The following ABCD3 variants were observed in gnomAD, a reference collection of about 807,000 sequenced individuals.
The protein encoded by ABCD3 is ATP binding cassette subfamily D member 3.
In ABCD3, 41 loss-of-function variants were observed where a neutral mutation model predicts 105.5. The ratio of observed to expected loss-of-function variants is 0.39; its 90% CI spans 0.30 to 0.50. The LOEUF is 0.50. Ranked by LOEUF, ABCD3 falls within the 20% of genes least tolerant of loss-of-function variation. The pLI, the probability that ABCD3 is intolerant of heterozygous loss-of-function variation, is 0.84. For missense variants in ABCD3, 622 were observed against 806.3 expected (o/e 0.77, Z 2.77); for synonymous variants, 258 against 269.0 (o/e 0.96, Z 0.40).
chr1:94,498,961 T>C lies in ABCD3; in HGVS notation c.1547T>C (p.Leu516Pro), dbSNP rs756882410. The change falls in exon 19 of 23, where the codon CTT becomes CCT. Residue 516 changes from leucine to proline, a missense_variant. Physicochemically the swap from Leu to Pro is moderately conservative, Grantham distance 98. Around this residue, in one of 4 missense-constraint regions of ABCD3, gnomAD observed 285 missense variants for 352.5 expected, o/e 0.81. Coordinates refer to ENST00000370214, the MANE Select transcript of ABCD3 (RefSeq NM_002858.4). ...TACTGTCAGAGACCTTACATGACCC[T>C]TGGAACACTTCGAGATCAAGTGATA... The part of the protein sequence containing the change: ...FYVPQRPYMT[L>P]GTLRDQVIYP... 6.2e-7 allele frequency: 1 copy of C among 1,614,004 alleles called. No homozygotes were observed. Among genetic ancestry groups the C allele is most frequent in the Non-Finnish European group, 8.5e-7 (1 of 1,179,940 alleles).
chr1:94,453,207 G>T (rs377334522), intron 1 of ABCD3, among the ~76,000 whole-genome samples: 2 of 152,060 alleles, frequency 1.3e-5, no homozygotes, highest in Admixed American at 1.3e-4. Flanking sequence ...CGTTTGGTTT[G>T]GTTCTTTTTT....
At chr1:94,466,386 GCTT>G (rs1648136636) in intron 3 of ABCD3, among the ~76,000 whole-genome samples, 1 of 151,806 alleles carries the variant, frequency 6.6e-6, no homozygotes, top group Admixed American at 6.6e-5. Context: ...TGGTCTTTTT[GCTT>G]CTTTTCCTTT....
intron 1 of ABCD3, among the ~76,000 whole-genome samples, chr1:94,433,030 G>C (rs1570739235): frequency 6.6e-6 from 1 of 151,076 alleles, no homozygotes; most frequent in South Asian, 2.1e-4. Context: ...GCTAATTTTT[G>C]TATTTTCAGT....
At chr1:94,402,639 C>T in the ABCD3 span, among the ~76,000 whole-genome samples, 3 of 152,292 alleles carry the variant, frequency 2.0e-5, no homozygotes, top group Admixed American at 6.5e-5. Context: ...TCCTCAACAA[C>T]GTCCTCTACC....
At chr1:94,472,472 T>A (rs548456336) in intron 4 of ABCD3, among the ~76,000 whole-genome samples, 1 of 151,424 alleles carries the variant, frequency 6.6e-6, no homozygotes, top group South Asian at 2.1e-4. Flanking sequence ...TTTTTTTAAC[T>A]GTTTTACTTT....
intron 3 of ABCD3, among the ~76,000 whole-genome samples, chr1:94,465,082 A>G (rs1648074515): frequency 6.6e-6 from 1 of 152,114 alleles, no homozygotes; most frequent in Admixed American, 6.6e-5. Flanking sequence ...AGTGTCTCAC[A>G]TGGTGAGAGA....
At chr1:94,505,881 G>T (rs1001390327) in intron 20 of ABCD3, among the ~76,000 whole-genome samples, 1 of 152,088 alleles carries the variant, frequency 6.6e-6, no homozygotes, top group African/African-American at 2.4e-5. Context: ...TTGTCAGGGG[G>T]CAGATGACAA....
At chr1:94,386,023 GTTTCTTTCTTTCTTTC>G in the ABCD3 span, among the ~76,000 whole-genome samples, 956 of 151,512 alleles carry the variant, frequency 6.3e-3, 6 homozygotes, top group African/African-American at 0.017. Flanking sequence ...TTTAGAATCT[GTTTCTTTCTTTCTTTC>G]TTTCTTTCTT....
intron 16 of ABCD3, among the ~76,000 whole-genome samples, chr1:94,493,309 A>C (rs1458554336): frequency 6.6e-6 from 1 of 152,032 alleles, no homozygotes; most frequent in Non-Finnish European, 1.5e-5. Flanking sequence ...TCTCAAAAGA[A>C]GACATTTATG....
At chr1:94,444,916 G>T (rs1310776698) in intron 1 of ABCD3, among the ~76,000 whole-genome samples, 1 of 152,138 alleles carries the variant, frequency 6.6e-6, no homozygotes, top group Admixed American at 6.5e-5. Flanking sequence ...CAGGTTTACC[G>T]GAATGAGGGC....
chr1:94,515,405 T>C (rs1650871585), intron 22 of ABCD3, among the ~76,000 whole-genome samples: 1 of 152,010 alleles, frequency 6.6e-6, no homozygotes, highest in South Asian at 2.1e-4. Context: ...ACAGTTTTTC[T>C]CCAGTTTTAT....
intron 21 of ABCD3, chr1:94,514,898 G>A (rs919110352): frequency 1.9e-5 from 9 of 472,276 alleles, no homozygotes; most frequent in Admixed American, 3.5e-5. Flanking sequence ...CATGATAGGA[G>A]ATATGTTTTT....
At chr1:94,424,413 G>A (rs993308659) in intron 1 of ABCD3, among the ~76,000 whole-genome samples, 3 of 151,748 alleles carry the variant, frequency 2.0e-5, no homozygotes, top group Non-Finnish European at 2.9e-5. Context: ...ATTGCCATTC[G>A]ATTTATTTTT....
intron 13 of ABCD3, among the ~76,000 whole-genome samples, chr1:94,488,543 A>G (rs1402558532): frequency 6.6e-6 from 1 of 152,118 alleles, no homozygotes; most frequent in Admixed American, 6.6e-5. Flanking sequence ...AGGGCATGGT[A>G]TGGTGTAAAA....
chr1:94,484,909 T>C (rs1384540400), intron 10 of ABCD3, among the ~76,000 whole-genome samples: 2 of 152,212 alleles, frequency 1.3e-5, no homozygotes, highest in African/African-American at 4.8e-5. Context: ...GATTATTATG[T>C]AAAGCAAGAG....
In ABCD3 at chr1:94,500,439, T is replaced by C. The variant is rs964919706; in HGVS notation, c.1740+825T>C. Among the ~76,000 whole-genome samples, 9 of 152,158 alleles carry C rather than the reference T, an allele frequency of 5.9e-5. No individual in the cohort carries two copies. In the South Asian group the frequency reaches 1.7e-3, roughly 28 times the overall value. ...CTGGGCGATAGAAGGAGATCGTCTC[T>C]CTAAAAATAAATAAATAAATAAAAA... is the stretch of plus-strand genomic sequence containing the variant. On this transcript the variant is annotated intron_variant, in intron 20 of 22. Coordinates refer to ENST00000370214, the MANE Select transcript of ABCD3 (RefSeq NM_002858.4).
chr1:94,407,592 T>C, the ABCD3 span, among the ~76,000 whole-genome samples: 6 of 152,358 alleles, frequency 3.9e-5, no homozygotes, highest in Non-Finnish European at 1.5e-5. Context: ...CCATTGTATC[T>C]TACAACTGGT....
the ABCD3 span, among the ~76,000 whole-genome samples, chr1:94,401,551 T>C: frequency 6.6e-6 from 1 of 152,226 alleles, no homozygotes; most frequent in Non-Finnish European, 1.5e-5. Flanking sequence ...TTGAGAGACA[T>C]TTGAGATAAA....
chr1:94,447,369 T>C (rs1246655689), intron 1 of ABCD3, among the ~76,000 whole-genome samples: 1 of 152,224 alleles, frequency 6.6e-6, no homozygotes, highest in Non-Finnish European at 1.5e-5. Flanking sequence ...GCAGCCAGGA[T>C]TGCCTTCTCC....
Sources: allele counts gnomAD v4.1 joint callset (sites outside exome capture counted in the v4.1 genomes callset), GRCh38; gene constraint gnomAD v4.1.1; regional missense constraint gnomAD v4.1.1; transcripts MANE v1.5; gene names NCBI Gene and HGNC (gene_info 2026-07-23, HGNC 2026-07-21).